RIMKLB: variants seen among roughly 807,000 people sequenced by gnomAD.
RIMKLB encodes ribosomal modification protein rimK like family member B.
RIMKLB carries 7 observed loss-of-function variants against 32.0 expected under a neutral mutation model. The ratio of observed to expected loss-of-function variants is 0.22; its 90% CI spans 0.12 to 0.41. RIMKLB has a LOEUF of 0.41. Among genes scored for constraint, RIMKLB ranks in the 10% least tolerant of loss-of-function variants. The pLI, the probability that RIMKLB is intolerant of heterozygous loss-of-function variation, is 1.00. For synonymous variants in RIMKLB, 172 were observed against 185.1 expected, an observed-to-expected ratio of 0.93 and a Z score of 0.57; for missense variants, 289 against 498.7, an observed-to-expected ratio of 0.58 and a Z score of 4.00.
chr12:8,773,503 G>A lies in RIMKLB; in HGVS notation c.880G>A (p.Asp294Asn), dbSNP rs778010986. Residue 294 changes from aspartate to asparagine, a missense_variant, in exon 6 of 6, where the codon GAT (aspartate) becomes AAT (asparagine). Asp to Asn is a conservative substitution (Grantham distance 23, BLOSUM62 1). This residue lies in a region of RIMKLB where 99 missense variants were observed against 133.9 expected (regional missense o/e 0.74). Transcript: ENST00000535829. The part of the protein sequence containing the change: ...FIAFDKACNL[D>N]VAGIIADYAA... ...CGCCTTTGATAAGGCTTGTAATCTA[G>A]ATGTAGCTGGTATCATAGCAGACTA... 1 of 1,614,148 alleles carries A rather than the reference G, an allele frequency of 6.2e-7. No individual in the cohort carries two copies.
chr12:8,688,488 A>G (rs1380282595), intron 1 of RIMKLB, among the ~76,000 whole-genome samples: 2 of 152,216 alleles, frequency 1.3e-5, no homozygotes, highest in Non-Finnish European at 2.9e-5. Flanking sequence ...TTTGAAGAAG[A>G]GCAGAAAGAA....
chr12:8,693,571 A>T (rs1283788060), upstream of RIMKLB, among the ~76,000 whole-genome samples: 2 of 151,590 alleles, frequency 1.3e-5, no homozygotes, highest in Non-Finnish European at 2.9e-5. Flanking sequence ...TAATTTTTAT[A>T]TTTTTAATAG....
At chr12:8,719,621 G>T (rs144732102) in intron 2 of RIMKLB, among the ~76,000 whole-genome samples, 5 of 152,148 alleles carry the variant, frequency 3.3e-5, no homozygotes, top group Non-Finnish European at 7.4e-5. Context: ...CGCCCGCCTC[G>T]GCCTACCAAG....
At chr12:8,718,523 G>T (rs775480393) in intron 2 of RIMKLB, among the ~76,000 whole-genome samples, 31 of 152,252 alleles carry the variant, frequency 2.0e-4, no homozygotes, top group Non-Finnish European at 1.8e-4. Flanking sequence ...TGCGCCTGTA[G>T]TCCCAGCTAC....
intron 1 of RIMKLB, among the ~76,000 whole-genome samples, chr12:8,706,238 C>T: frequency 6.6e-6 from 1 of 151,794 alleles, no homozygotes; most frequent in Non-Finnish European, 1.5e-5. Context: ...CTTCTGGGTT[C>T]AAGTGACTCC....
At chr12:8,695,183 ACCGCCCCGCCCCC>A (rs1001035505), upstream of RIMKLB, among the ~76,000 whole-genome samples, 18 of 141,884 alleles carry the variant, frequency 1.3e-4, no homozygotes, top group Admixed American at 9.2e-4. Flanking sequence ...CAATTGCCGC[ACCGCCCCGCCCCC>A]CCGCCCCGCC....
At position 8,774,520 on chromosome 12, in the gene RIMKLB, T is replaced by A; in HGVS notation, c.*736T>A. The A allele has an allele frequency of 3.1e-6, 3 of 982,296 alleles. No homozygotes were observed. Among genetic ancestry groups the A allele is most frequent in the Non-Finnish European group, 3.6e-6 (3 of 826,784 alleles). The allele number at this position is 982,296 out of a possible 1,614,324, so 60.8% of individuals were successfully genotyped here. On this transcript the variant is annotated 3_prime_UTR_variant, in exon 6 of 6. Transcript: ENST00000535829. ...CTAGTTTAAAATATGTGCATTCACTTGTATTTGTTAGTGTTTTAGTCTTTT... is the reference window on the plus strand; with the variant it reads ...CTAGTTTAAAATATGTGCATTCACTAGTATTTGTTAGTGTTTTAGTCTTTT...
intron 1 of RIMKLB, among the ~76,000 whole-genome samples, chr12:8,708,247 G>A (rs957369194): frequency 1.3e-5 from 2 of 151,968 alleles, no homozygotes; most frequent in African/African-American, 4.8e-5. Flanking sequence ...ATATGTTAAT[G>A]GATTTTCTTA....
rs1565429989 is a variant in RIMKLB, at chr12:8,773,504, A to T, written c.881A>T (p.Asp294Val). 1.2e-6 allele frequency: 2 copies of T among 1,614,234 alleles called. No homozygotes were observed. The highest frequency in any genetic ancestry group is 1.7e-6 in the Non-Finnish European group (2 of 1,180,048). The change falls in exon 6 of 6, where the codon GAT becomes GTT. Residue 294 changes from aspartate to valine, a missense_variant. Around this residue, in one of 3 missense-constraint regions of RIMKLB, gnomAD observed 99 missense variants for 133.9 expected, o/e 0.74. Coordinates refer to ENST00000535829, the MANE Select transcript of RIMKLB (RefSeq NM_001297776.2). ...FIAFDKACNL[D>V]VAGIIADYAA... ...GCCTTTGATAAGGCTTGTAATCTAGATGTAGCTGGTATCATAGCAGACTAT... is the reference window on the plus strand; with the variant it reads ...GCCTTTGATAAGGCTTGTAATCTAGTTGTAGCTGGTATCATAGCAGACTAT...
intron 1 of RIMKLB, among the ~76,000 whole-genome samples, chr12:8,705,664 A>G (rs1334163606): frequency 1.3e-5 from 2 of 152,146 alleles, no homozygotes; most frequent in East Asian, 3.8e-4. Flanking sequence ...AGATATGTTT[A>G]TATATGTATT....
chr12:8,734,511 C>G (rs988491108), intron 2 of RIMKLB, among the ~76,000 whole-genome samples: 2 of 152,108 alleles, frequency 1.3e-5, no homozygotes, highest in African/African-American at 4.8e-5. Flanking sequence ...AGCTTTGTCT[C>G]ATAGATGAAA....
downstream of RIMKLB, among the ~76,000 whole-genome samples, chr12:8,782,170 G>T (rs761766001): frequency 1.3e-5 from 2 of 151,856 alleles, no homozygotes; most frequent in African/African-American, 4.8e-5. Context: ...ATCAAAAATT[G>T]TTTTTTTCTG....
At chr12:8,690,409 C>A (rs1942697630) in intron 1 of RIMKLB, among the ~76,000 whole-genome samples, 1 of 152,156 alleles carries the variant, frequency 6.6e-6, no homozygotes, top group Non-Finnish European at 1.5e-5. Context: ...ACCCAAACAG[C>A]AGGCATTGAT....
intron 5 of RIMKLB, among the ~76,000 whole-genome samples, chr12:8,766,680 G>A (rs924121329): frequency 2.2e-4 from 33 of 152,140 alleles, no homozygotes; most frequent in African/African-American, 7.2e-4. Flanking sequence ...CTCAGTCACC[G>A]GGAGGAACCC....
Position 8,729,477 on chromosome 12 carries a change from C to T in RIMKLB, c.175+15436C>T, listed in dbSNP as rs149508729. Among the ~76,000 whole-genome samples the T allele has an allele frequency of 4.6e-4, 70 of 152,196 alleles. 2 individuals carry two copies. Among genetic ancestry groups the T allele is most frequent in the African/African-American group, 1.6e-3 (66 of 41,528 alleles). ...TCTGATATCTAACCATAGTCTCCGA[C>T]GTCCAGCTGCTTCTCCTGTCTGTGC... is the stretch of plus-strand genomic sequence containing the variant. On this transcript the variant is annotated intron_variant, in intron 2 of 5. Transcript: ENST00000535829.
At chr12:8,777,615 T>C (rs754174155), downstream of RIMKLB, 316 of 1,288,886 alleles carry the variant, frequency 2.5e-4, no homozygotes, top group Admixed American at 1.4e-3. Context: ...AAAAAACAAA[T>C]ACAAACAAAC....
At chr12:8,723,231 G>T (rs907440705) in intron 2 of RIMKLB, among the ~76,000 whole-genome samples, 4 of 152,292 alleles carry the variant, frequency 2.6e-5, no homozygotes, top group African/African-American at 9.6e-5. Context: ...AGCCACTGTA[G>T]GGTTATTAAC....
chr12:8,772,780 C>G (rs1374627977), intron 5 of RIMKLB, among the ~76,000 whole-genome samples: 2 of 152,248 alleles, frequency 1.3e-5, no homozygotes, highest in African/African-American at 4.8e-5. Context: ...GTGAGAAAAT[C>G]AAGTTCTACT....
At chr12:8,712,297 T>TACCTA (rs1944441762) in intron 1 of RIMKLB, among the ~76,000 whole-genome samples, 1 of 151,942 alleles carries the variant, frequency 6.6e-6, no homozygotes, top group Non-Finnish European at 1.5e-5. Context: ...TGGTGGCACA[T>TACCTA]GCTACTTGGG....
Sources: gnomAD v4.1 joint callset for allele counts (sites outside exome capture counted in the v4.1 genomes callset) on GRCh38, gnomAD v4.1.1 for gene constraint, gnomAD v4.1.1 regional missense constraint, MANE v1.5 for transcripts, NCBI Gene and HGNC (gene_info 2026-07-23, HGNC 2026-07-21) for gene names.